The following GRAMD4 variants were observed in gnomAD, a reference collection of about 807,000 sequenced individuals.
GRAMD4 encodes the protein GRAM domain containing 4, also known as GRAM domain-containing protein 4.
GRAMD4 carries 25 observed loss-of-function variants against 83.9 expected under a neutral mutation model. That is an observed-to-expected ratio of 0.30 (90% confidence interval 0.22 to 0.42). The LOEUF is 0.42. Ranked by LOEUF, GRAMD4 falls within the 10% of genes least tolerant of loss-of-function variation. GRAMD4 has a pLI of 1.00. For synonymous variants in GRAMD4, 336 were observed against 320.9 expected (o/e 1.05, Z -0.50); for missense variants, 593 against 788.7 (o/e 0.75, Z 2.97).
At chr22:46,673,622 G>T (rs1238056420) in intron 14 of GRAMD4, 48 bp from the exon 15 acceptor site, 1 of 1,590,352 alleles carries the variant, frequency 6.3e-7, no homozygotes, top group Non-Finnish European at 8.6e-7. Context: ...TCTGGGTGCT[G>T]CAGGCGTGGG....
In GRAMD4 at chr22:46,623,529, T is replaced by G. The variant is rs78435682; in HGVS notation, c.-50+2964T>G. The stretch of plus-strand genomic sequence containing the variant: ...CAGCCTCCTGAGTAGCTGGGACGCT[T>G]GGACTACAGGTGCCCGCCACCTTGC... On this transcript the variant is annotated intron_variant, in intron 1 of 18. Coordinates refer to ENST00000406902, the MANE Select transcript of GRAMD4 (RefSeq NM_015124.5). 5.8e-3 allele frequency among the ~76,000 whole-genome samples: 876 copies of G among 149,774 alleles called. 14 individuals carry two copies. The highest frequency in any genetic ancestry group is 0.02 in the African/African-American group (830 of 40,712).
intron 3 of GRAMD4, among the ~76,000 whole-genome samples, chr22:46,640,344 C>T (rs1033761036): frequency 1.3e-5 from 2 of 152,096 alleles, no homozygotes; most frequent in African/African-American, 4.8e-5. Context: ...GGAGAAGAGG[C>T]GAGCTGGCAT....
At chr22:46,595,599 A>G (rs1462623442) in intron 1 of GRAMD4, among the ~76,000 whole-genome samples, 8 of 152,134 alleles carry the variant, frequency 5.3e-5, no homozygotes, top group Non-Finnish European at 8.8e-5. Flanking sequence ...CTTTGGGCAC[A>G]CCCATGGGAG....
intron 1 of GRAMD4, among the ~76,000 whole-genome samples, chr22:46,580,355 C>A (rs1417051011): frequency 6.6e-6 from 1 of 152,230 alleles, no homozygotes; most frequent in Non-Finnish European, 1.5e-5. Context: ...CTCTTTGGCA[C>A]CACGGTGGGT....
intron 4 of GRAMD4, 75 bp from the exon 5 acceptor site, chr22:46,661,306 C>T: frequency 8.6e-7 from 1 of 1,158,858 alleles, no homozygotes; most frequent in Non-Finnish European, 1.3e-6. Flanking sequence ...GTCGCGAGAG[C>T]CCTCGGGGGT....
intron 1 of GRAMD4, among the ~76,000 whole-genome samples, chr22:46,578,229 C>T (rs1268534041): frequency 6.6e-6 from 1 of 152,170 alleles, no homozygotes; most frequent in East Asian, 1.9e-4. Context: ...TCAGAGGTGT[C>T]TCTCCTACAT....
In GRAMD4 at chr22:46,677,246, A is replaced by C; in HGVS notation, c.1732A>C (p.Ser578Arg). The C allele has an allele frequency of 6.2e-7, 1 of 1,609,528 alleles. No individual in the cohort carries two copies. ...CTCAGCGGCAGCGTCTGGCGGGGAC[A>C]GCTAGTATTGACTTGCCCAGGACGT... The part of the protein sequence containing the change: ...ITSAAASGGD[S>R] The change falls in exon 19 of 19, where the codon AGC (serine) becomes CGC (arginine). Residue 578 changes from serine (S) to arginine (R), a missense_variant. Physicochemically the swap from Ser to Arg is moderately radical, Grantham distance 110. Transcript: ENST00000406902.
chr22:46,639,893 G>T (rs188848479), intron 3 of GRAMD4, among the ~76,000 whole-genome samples: 63 of 152,134 alleles, frequency 4.1e-4, no homozygotes, highest in African/African-American at 1.5e-3. Flanking sequence ...GGGCTGGCCC[G>T]CATGGGCTGC....
chr22:46,579,730 G>A (rs903200624), intron 1 of GRAMD4, among the ~76,000 whole-genome samples: 1 of 152,080 alleles, frequency 6.6e-6, no homozygotes, highest in South Asian at 2.1e-4. Flanking sequence ...ATTTCTCTCC[G>A]GTAGCCGAAT....
At chr22:46,599,150 G>T (rs2081288680) in intron 1 of GRAMD4, among the ~76,000 whole-genome samples, 3 of 152,034 alleles carry the variant, frequency 2.0e-5, no homozygotes, top group Non-Finnish European at 4.4e-5. Flanking sequence ...TGGAGCCTTT[G>T]TTAACAGATG....
At chr22:46,633,659 AC>A (rs955411911) in intron 2 of GRAMD4, among the ~76,000 whole-genome samples, 1 of 151,826 alleles carries the variant, frequency 6.6e-6, no homozygotes, top group African/African-American at 2.4e-5. Flanking sequence ...CTTCCTGGGG[AC>A]CCCAGCCTGC....
upstream of GRAMD4, among the ~76,000 whole-genome samples, chr22:46,576,657 C>A (rs562192457): frequency 4.8e-3 from 725 of 152,260 alleles, 4 homozygotes; most frequent in African/African-American, 0.017. Flanking sequence ...CCGCGTCCGG[C>A]GCCCCGCGAG....
chr22:46,662,910 GAGC>G (rs1030368151), intron 5 of GRAMD4, 127 bp from the exon 6 acceptor site: 24 of 768,676 alleles, frequency 3.1e-5, no homozygotes, highest in African/African-American at 5.2e-5. Context: ...ACCTACCCCC[GAGC>G]ATTCCTTGTG....
intron 2 of GRAMD4, among the ~76,000 whole-genome samples, chr22:46,635,176 G>GA (rs2081846013): frequency 6.8e-6 from 1 of 147,230 alleles, no homozygotes; most frequent in Admixed American, 6.7e-5. Flanking sequence ...CCTGTCCTGG[G>GA]GAACCGTGTC....
chr22:46,649,312 G>A (rs550380862), intron 3 of GRAMD4, among the ~76,000 whole-genome samples: 47 of 152,106 alleles, frequency 3.1e-4, no homozygotes, highest in African/African-American at 1.1e-3. Context: ...GGTGCCAAGC[G>A]CTTGGTTGGA....
intron 3 of GRAMD4, among the ~76,000 whole-genome samples, chr22:46,641,293 G>A (rs149614386): frequency 6.3e-4 from 96 of 152,224 alleles, no homozygotes; most frequent in Non-Finnish European, 1.1e-3. Context: ...GGCTGGTCTC[G>A]AACTGTTGAC....
chr22:46,661,300 C>T (rs2076708), intron 4 of GRAMD4, 81 bp from the exon 5 acceptor site: 351,915 of 1,067,254 alleles, frequency 0.33, 59,504 homozygotes, highest in Admixed American at 0.4. Context: ...TACACGGTCG[C>T]GAGAGCCCTC....
intron 3 of GRAMD4, among the ~76,000 whole-genome samples, chr22:46,653,860 G>A (rs1034077187): frequency 1.3e-5 from 2 of 152,120 alleles, no homozygotes; most frequent in Admixed American, 6.5e-5. Flanking sequence ...GAGGCCTGCC[G>A]GGAGCAAGCC....
At chr22:46,658,412 A>C in intron 4 of GRAMD4, 105 bp downstream of exon 4, 1 of 1,173,032 alleles carries the variant, frequency 8.5e-7, no homozygotes, top group South Asian at 1.5e-5. Context: ...TGGCAGCATC[A>C]TTCTTGGCCC....
Sources: gnomAD v4.1 joint callset for allele counts (sites outside exome capture counted in the v4.1 genomes callset) on GRCh38, gnomAD v4.1.1 for gene constraint, MANE v1.5 for transcripts, NCBI Gene and HGNC (gene_info 2026-07-23, HGNC 2026-07-21) for gene names.